Variants in UVRAG observed in about 807,000 individuals in gnomAD.
UVRAG encodes UV radiation resistance associated.
Under a neutral mutation model 78.0 loss-of-function variants are expected in UVRAG, and 19 were observed. The ratio of observed to expected loss-of-function variants is 0.24; its 90% confidence interval spans 0.17 to 0.36. The LOEUF is 0.36. UVRAG is among the 10% of genes least tolerant of loss of function. UVRAG has a pLI of 1.00. For missense variants in UVRAG, 740 were observed against 853.8 expected (o/e 0.87, Z 1.66); for synonymous variants, 323 against 324.6 (o/e 1.00, Z 0.05).
In UVRAG at chr11:75,990,036, A is replaced by G. The variant is rs566046268; in HGVS notation, c.826+6523A>G. Among the ~76,000 whole-genome samples, 21 of 152,368 alleles carry G rather than the reference A, an allele frequency of 1.4e-4. No homozygotes were observed. In the East Asian group the frequency reaches 2.5e-3, roughly 18 times the overall value. ...CATTGGTGGATAAATGAGATATAAT[A>G]GGAAACAGAAAACCTACTGTGGCAA... On this transcript the variant is annotated intron_variant, in intron 8 of 14. Transcript: ENST00000356136.
chr11:76,113,181 A>G (rs1341544218), intron 13 of UVRAG, among the ~76,000 whole-genome samples: 1 of 152,244 alleles, frequency 6.6e-6, no homozygotes, highest in East Asian at 1.9e-4. Context: ...ATGTAGGTAT[A>G]GTGAGGTAAA....
At chr11:76,029,605 T>A (rs1950396379) in intron 12 of UVRAG, among the ~76,000 whole-genome samples, 1 of 152,140 alleles carries the variant, frequency 6.6e-6, no homozygotes, top group African/African-American at 2.4e-5. Flanking sequence ...AACTATTTCA[T>A]GATAAAAGTT....
intron 14 of UVRAG, among the ~76,000 whole-genome samples, chr11:76,131,194 A>G (rs1268329384): frequency 1.3e-5 from 2 of 152,192 alleles, no homozygotes; most frequent in Admixed American, 1.3e-4. Context: ...ATTAATTTGT[A>G]TGATGATTTC....
chr11:75,820,939 T>A (rs923744712), intron 1 of UVRAG, among the ~76,000 whole-genome samples: 2 of 152,182 alleles, frequency 1.3e-5, no homozygotes, highest in Non-Finnish European at 2.9e-5. Context: ...ATTAACTATA[T>A]GTACAACATA....
chr11:75,999,638 CA>C (rs1949773771), intron 8 of UVRAG, among the ~76,000 whole-genome samples: 1 of 152,144 alleles, frequency 6.6e-6, no homozygotes. Flanking sequence ...CTTGGCCTCC[CA>C]AAGTGCTGGG....
intron 5 of UVRAG, among the ~76,000 whole-genome samples, chr11:75,899,630 C>T (rs1487249558): frequency 6.6e-6 from 1 of 152,226 alleles, no homozygotes; most frequent in East Asian, 1.9e-4. Flanking sequence ...GACATCTCCA[C>T]ATTTCTTCCC....
At chr11:75,936,394 T>C (rs1044995500) in intron 6 of UVRAG, among the ~76,000 whole-genome samples, 2 of 152,260 alleles carry the variant, frequency 1.3e-5, no homozygotes, top group African/African-American at 4.8e-5. Flanking sequence ...AGTTGCCAAA[T>C]GGAATGGTTA....
At chr11:76,082,316 A>G (rs920018273) in intron 13 of UVRAG, among the ~76,000 whole-genome samples, 1 of 151,678 alleles carries the variant, frequency 6.6e-6, no homozygotes, top group Non-Finnish European at 1.5e-5. Context: ...CGAGGCGGGC[A>G]GATCACGAGG....
chr11:75,920,100 G>A (rs1253919396), intron 6 of UVRAG, among the ~76,000 whole-genome samples: 3 of 124,918 alleles, frequency 2.4e-5, no homozygotes, highest in Admixed American at 2.2e-4. Context: ...ATTTTGGCTC[G>A]CTGCAACCTC....
In UVRAG at chr11:76,063,200, C is replaced by T. The variant is rs371727537; in HGVS notation, c.1227-2510C>T. ...AAAGAGGAAGAAAATAAAATTTCTG[C>T]CCTCTTGGAGCCTACAGTATCATAA... On this transcript the variant is annotated intron_variant, in intron 12 of 14. Transcript: ENST00000356136. Among the ~76,000 whole-genome samples, 115 of 152,270 alleles carry T rather than the reference C, an allele frequency of 7.6e-4. 2 individuals carry two copies. In the South Asian group the frequency reaches 0.023, roughly 31 times the overall value.
intron 1 of UVRAG, among the ~76,000 whole-genome samples, chr11:75,842,347 C>T (rs1011827623): frequency 5.3e-5 from 8 of 151,906 alleles, no homozygotes; most frequent in East Asian, 1.9e-4. Context: ...TTTTGATGTG[C>T]GTATTTTAAA....
intron 14 of UVRAG, among the ~76,000 whole-genome samples, chr11:76,128,795 T>C (rs1011415369): frequency 6.6e-6 from 1 of 152,130 alleles, no homozygotes; most frequent in African/African-American, 2.4e-5. Context: ...GACCTTTGGG[T>C]TTAAGCTCGA....
intron 13 of UVRAG, among the ~76,000 whole-genome samples, chr11:76,070,392 G>A (rs1951279356): frequency 6.6e-6 from 1 of 152,082 alleles, no homozygotes; most frequent in Non-Finnish European, 1.5e-5. Flanking sequence ...ACAGAATGAG[G>A]ATTATAGTTA....
At chr11:76,079,926 G>C (rs1185438260) in intron 13 of UVRAG, among the ~76,000 whole-genome samples, 1 of 152,150 alleles carries the variant, frequency 6.6e-6, no homozygotes, top group African/African-American at 2.4e-5. Context: ...CATGGACTAG[G>C]TAATTAATAA....
chr11:75,836,388 C>A (rs1220039771), intron 1 of UVRAG, among the ~76,000 whole-genome samples: 1 of 152,184 alleles, frequency 6.6e-6, no homozygotes, highest in African/African-American at 2.4e-5. Flanking sequence ...CCCATGTTCA[C>A]ATTGTTAATA....
chr11:76,141,425 C>A lies in UVRAG; in HGVS notation c.*12C>A. ...GTTCCGATAAGTGAAGTGAGCAGGT[C>A]AACAGTAGGACTGGGGCAGAAGCTC... On this transcript the variant is annotated 3_prime_UTR_variant, in exon 15 of 15. Transcript: ENST00000356136. 6.2e-7 allele frequency: 1 copy of A among 1,608,284 alleles called. No homozygotes were observed. Among genetic ancestry groups the A allele is most frequent in the Non-Finnish European group, 8.5e-7 (1 of 1,178,068 alleles).
chr11:75,830,160 C>T (rs1221385355), intron 1 of UVRAG, among the ~76,000 whole-genome samples: 1 of 151,812 alleles, frequency 6.6e-6, no homozygotes, highest in Non-Finnish European at 1.5e-5. Context: ...TATTAAATTC[C>T]TTCTGGGTAT....
At chr11:75,933,717 G>A (rs1017208623) in intron 6 of UVRAG, among the ~76,000 whole-genome samples, 1 of 152,214 alleles carries the variant, frequency 6.6e-6, no homozygotes, top group Non-Finnish European at 1.5e-5. Flanking sequence ...CTCAAAGGAA[G>A]ACATATACAT....
At position 75,963,333 on chromosome 11, in the gene UVRAG, A is replaced by G. The variant is rs928481939; in HGVS notation, c.699+1784A>G. On this transcript the variant is annotated intron_variant, in intron 7 of 14. Coordinates refer to ENST00000356136, the MANE Select transcript of UVRAG (RefSeq NM_003369.4). The stretch of plus-strand genomic sequence containing the variant: ...TAGCATAATGTCCTTTTATAATAGG[A>G]CAGGAAAATGAAGCTTAAAGAAGGG... Among the ~76,000 whole-genome samples, 4 of 152,218 alleles carry G rather than the reference A, an allele frequency of 2.6e-5. No homozygotes were observed. The East Asian group carries it at 7.7e-4, about 29-fold the overall frequency.
Sources: gnomAD v4.1 joint callset for allele counts (sites outside exome capture counted in the v4.1 genomes callset) on GRCh38, gnomAD v4.1.1 for gene constraint, MANE v1.5 for transcripts, NCBI Gene and HGNC (gene_info 2026-07-23, HGNC 2026-07-21) for gene names.